The following FLI1 variants were observed in gnomAD, a reference collection of about 807,000 sequenced individuals.
FLI1 encodes Fli-1 proto-oncogene, ETS transcription factor.
In FLI1, 13 loss-of-function variants were observed where a neutral mutation model predicts 53.1. The ratio of observed to expected loss-of-function variants is 0.24; its 90% CI spans 0.16 to 0.39. FLI1 has a LOEUF of 0.39. FLI1 is among the 10% of genes least tolerant of loss of function. The pLI, the probability that FLI1 is intolerant of heterozygous loss-of-function variation, is 1.00. For missense variants in FLI1, 424 were observed against 600.5 expected, an observed-to-expected ratio of 0.71 and a Z score of 3.07; for synonymous variants, 244 against 236.7, an observed-to-expected ratio of 1.03 and a Z score of -0.28.
At chr11:128,707,100 G>A (rs1938576862) in intron 1 of FLI1, among the ~76,000 whole-genome samples, 1 of 152,180 alleles carries the variant, frequency 6.6e-6, no homozygotes, top group Non-Finnish European at 1.5e-5. Flanking sequence ...TAACCTGCTT[G>A]GGCGATAGCA....
chr11:128,767,766 G>A (rs113615331), intron 2 of FLI1, among the ~76,000 whole-genome samples: 9 of 152,254 alleles, frequency 5.9e-5, no homozygotes, highest in South Asian at 4.1e-4. Context: ...TGGGGAAGGC[G>A]TGTCTGGGAG....
chr11:128,808,014 G>T (rs530965223), intron 7 of FLI1, among the ~76,000 whole-genome samples: 3 of 152,248 alleles, frequency 2.0e-5, no homozygotes, highest in South Asian at 2.1e-4. Context: ...GGCAAACATT[G>T]TTCCCCATCT....
intron 5 of FLI1, among the ~76,000 whole-genome samples, chr11:128,793,452 T>A (rs1484187162): frequency 1.3e-5 from 2 of 152,174 alleles, no homozygotes; most frequent in African/African-American, 4.8e-5. Flanking sequence ...AATAATCTCC[T>A]TCCATTGCTC....
Position 128,694,241 on chromosome 11 carries a change from G to A in FLI1, c.-18G>A, listed in dbSNP as rs1937913273. On this transcript the variant is annotated 5_prime_UTR_variant, in exon 1 of 9. Transcript: ENST00000527786. ...CAATGTGTGGAATATTGGGGGGCTC[G>A]GCTGCAGACTTGGCCAAATGGACGG... is the stretch of plus-strand genomic sequence containing the variant. 3 of 1,495,446 alleles carry A rather than the reference G, an allele frequency of 2.0e-6. No homozygotes were observed. The highest frequency in any genetic ancestry group is 2.7e-6 in the Non-Finnish European group (3 of 1,120,498). 92.6% of individuals were successfully genotyped at this position (1,495,446 alleles called of 1,614,324 possible).
chr11:128,711,579 G>T (rs1938785920), intron 1 of FLI1, among the ~76,000 whole-genome samples: 1 of 152,198 alleles, frequency 6.6e-6, no homozygotes, highest in African/African-American at 2.4e-5. Context: ...TGTTTATTGG[G>T]CTTATCAAAG....
chr11:128,766,445 C>T (rs1941343175), intron 2 of FLI1, among the ~76,000 whole-genome samples: 1 of 152,080 alleles, frequency 6.6e-6, no homozygotes, highest in South Asian at 2.1e-4. Flanking sequence ...CATTTTCAGC[C>T]CATGTTTCCC....
At chr11:128,716,917 G>C (rs1007805833) in intron 1 of FLI1, among the ~76,000 whole-genome samples, 1 of 152,150 alleles carries the variant, frequency 6.6e-6, no homozygotes, top group Non-Finnish European at 1.5e-5. Context: ...AAGAAGGCAG[G>C]GCATGCTCGT....
chr11:128,809,763 A>T (rs991287270), intron 8 of FLI1, among the ~76,000 whole-genome samples: 1 of 152,206 alleles, frequency 6.6e-6, no homozygotes, highest in African/African-American at 2.4e-5. Flanking sequence ...GGGAGCTAGC[A>T]GGCCCTTGTC....
chr11:128,785,036 C>T (rs1942042283), intron 5 of FLI1, among the ~76,000 whole-genome samples: 1 of 152,236 alleles, frequency 6.6e-6, no homozygotes, highest in South Asian at 2.1e-4. Context: ...ACCCTTCCAG[C>T]TTGTCTCTTG....
chr11:128,744,388 A>C (rs1026694478), intron 1 of FLI1, among the ~76,000 whole-genome samples: 2 of 152,222 alleles, frequency 1.3e-5, no homozygotes, highest in African/African-American at 4.8e-5. Flanking sequence ...GCCCAGAGAG[A>C]TAAAGTGCCT....
chr11:128,735,896 T>G (rs757882922), intron 1 of FLI1, among the ~76,000 whole-genome samples: 10 of 152,320 alleles, frequency 6.6e-5, no homozygotes, highest in Non-Finnish European at 1.5e-4. Flanking sequence ...TTGTTTAACT[T>G]TGAAGGGAAT....
rs373959706 is a variant in FLI1, at chr11:128,753,804, C to T, written c.19-4311C>T. Among the ~76,000 whole-genome samples the T allele has an allele frequency of 4.1e-4, 63 of 152,316 alleles. No homozygotes were observed. In the South Asian group the frequency reaches 5.0e-3, roughly 12 times the overall value. On this transcript the variant is annotated intron_variant, in intron 1 of 8. Transcript: ENST00000527786. ...ACTCATTCCTCTTGTTTGCCTCCTC[C>T]GTCCCTACTCTGGTCTTCCCAGAGC...
At chr11:128,714,715 T>TTC (rs1938930705) in intron 1 of FLI1, among the ~76,000 whole-genome samples, 3 of 148,940 alleles carry the variant, frequency 2.0e-5, no homozygotes, top group Admixed American at 1.3e-4. Flanking sequence ...AGGACCTTTT[T>TTC]TTTTTTTTTT....
At chr11:128,791,704 C>T (rs1942278458) in intron 5 of FLI1, among the ~76,000 whole-genome samples, 1 of 152,198 alleles carries the variant, frequency 6.6e-6, no homozygotes, top group African/African-American at 2.4e-5. Flanking sequence ...TCCTCCCTAC[C>T]CTGCCCTAAA....
intron 1 of FLI1, among the ~76,000 whole-genome samples, chr11:128,722,822 G>C (rs532233154): frequency 5.3e-5 from 8 of 152,112 alleles, no homozygotes; most frequent in Non-Finnish European, 8.8e-5. Context: ...TTCTCCTATC[G>C]AGCTCTGGGA....
At chr11:128,740,640 G>A (rs192585721) in intron 1 of FLI1, among the ~76,000 whole-genome samples, 20 of 152,294 alleles carry the variant, frequency 1.3e-4, no homozygotes, top group South Asian at 4.1e-4. Flanking sequence ...GAGAAGCCCC[G>A]CCCAAACTAC....
chr11:128,787,256 T>TG (rs1591813008), intron 5 of FLI1, among the ~76,000 whole-genome samples: 1 of 152,154 alleles, frequency 6.6e-6, no homozygotes, highest in East Asian at 1.9e-4. Context: ...TTGTGCCCTC[T>TG]GGTGCCATCA....
At chr11:128,766,288 C>T (rs548800486) in intron 2 of FLI1, among the ~76,000 whole-genome samples, 1 of 152,136 alleles carries the variant, frequency 6.6e-6, no homozygotes, top group Non-Finnish European at 1.5e-5. Flanking sequence ...TGTGCTACTG[C>T]CTCCCCTCCC....
chr11:128,699,308 C>A (rs1251259084), intron 1 of FLI1, among the ~76,000 whole-genome samples: 1 of 151,982 alleles, frequency 6.6e-6, no homozygotes, highest in Non-Finnish European at 1.5e-5. Context: ...ACTAAGTTAC[C>A]CCCAGCCAAA....
Sources: allele counts gnomAD v4.1 joint callset (sites outside exome capture counted in the v4.1 genomes callset), GRCh38; gene constraint gnomAD v4.1.1; transcripts MANE v1.5; gene names NCBI Gene and HGNC (gene_info 2026-07-23, HGNC 2026-07-21).